Variants in SCHIP1 observed in about 807,000 individuals in gnomAD.
The protein encoded by SCHIP1 is schwannomin interacting protein 1, also known as schwannomin-interacting protein 1.
SCHIP1 carries 8 observed loss-of-function variants against 29.7 expected under a neutral mutation model. That is an observed-to-expected ratio of 0.27 (90% CI 0.16 to 0.49). SCHIP1 has a LOEUF of 0.49. SCHIP1 is among the 20% of genes least tolerant of loss of function. The pLI is 0.99. For missense variants in SCHIP1, 193 were observed against 294.6 expected (o/e 0.66, Z 2.52); for synonymous variants, 76 against 94.9 (o/e 0.80, Z 1.16).
At chr3:159,428,222 G>A in the SCHIP1 span, among the ~76,000 whole-genome samples, 23 of 152,300 alleles carry the variant, frequency 1.5e-4, no homozygotes, top group African/African-American at 5.5e-4. Context: ...AAGAGCTTCT[G>A]CACAGCAAAA....
chr3:159,385,302 A>T, the SCHIP1 span, among the ~76,000 whole-genome samples: 2 of 152,228 alleles, frequency 1.3e-5, no homozygotes, highest in African/African-American at 4.8e-5. Context: ...TTATGCCTGT[A>T]ATCCCAGCAC....
the SCHIP1 span, among the ~76,000 whole-genome samples, chr3:159,813,094 C>T: frequency 2.6e-5 from 4 of 152,184 alleles, no homozygotes; most frequent in Non-Finnish European, 5.9e-5. Context: ...TTAAAGGTTC[C>T]ACCACCTCTC....
At chr3:159,505,457 CATTATA>C in the SCHIP1 span, among the ~76,000 whole-genome samples, 4 of 151,944 alleles carry the variant, frequency 2.6e-5, no homozygotes, top group Non-Finnish European at 5.9e-5. Flanking sequence ...ATTGTTGAGC[CATTATA>C]ATTTATGTTT....
chr3:159,356,513 A>C, the SCHIP1 span, among the ~76,000 whole-genome samples: 3 of 152,162 alleles, frequency 2.0e-5, no homozygotes, highest in African/African-American at 2.4e-5. Flanking sequence ...GAGAAACCTG[A>C]AAAAACTTTG....
the SCHIP1 span, among the ~76,000 whole-genome samples, chr3:159,677,007 C>T: frequency 6.6e-6 from 1 of 152,082 alleles, no homozygotes; most frequent in Non-Finnish European, 1.5e-5. Context: ...GCCCTTAGAC[C>T]CCTGCAAGTA....
the SCHIP1 span, among the ~76,000 whole-genome samples, chr3:159,409,887 T>C: frequency 1.3e-5 from 2 of 152,100 alleles, no homozygotes; most frequent in African/African-American, 4.8e-5. Flanking sequence ...ACTACAAAGC[T>C]ATAGTAACCA....
At chr3:159,416,443 C>T in the SCHIP1 span, among the ~76,000 whole-genome samples, 15 of 152,176 alleles carry the variant, frequency 9.9e-5, no homozygotes, top group African/African-American at 3.6e-4. Flanking sequence ...CATCTTATTC[C>T]TACTTTGGTA....
chr3:159,328,055 T>C, the SCHIP1 span, among the ~76,000 whole-genome samples: 2 of 152,198 alleles, frequency 1.3e-5, no homozygotes, highest in African/African-American at 4.8e-5. Context: ...ATGTCCCAGA[T>C]CCTTTATAGC....
At chr3:159,526,943 C>G in the SCHIP1 span, among the ~76,000 whole-genome samples, 2 of 152,188 alleles carry the variant, frequency 1.3e-5, no homozygotes, top group African/African-American at 2.4e-5. Flanking sequence ...GAAAAGGGAA[C>G]AAAAGGTCGC....
the SCHIP1 span, among the ~76,000 whole-genome samples, chr3:159,699,713 A>T: frequency 6.6e-6 from 1 of 152,214 alleles, no homozygotes; most frequent in East Asian, 1.9e-4. Flanking sequence ...AGTCTTCATC[A>T]CTAAGATGAG....
the SCHIP1 span, among the ~76,000 whole-genome samples, chr3:159,592,250 A>G: frequency 6.6e-6 from 1 of 152,012 alleles, no homozygotes; most frequent in Non-Finnish European, 1.5e-5. Context: ...AAAATCTGTA[A>G]TCTCCAAGGT....
At chr3:159,746,498 G>A in the SCHIP1 span, among the ~76,000 whole-genome samples, 1 of 152,222 alleles carries the variant, frequency 6.6e-6, no homozygotes, top group Non-Finnish European at 1.5e-5. Flanking sequence ...CTATACTGCT[G>A]ACTGTCTGGC....
the SCHIP1 span, among the ~76,000 whole-genome samples, chr3:159,312,890 A>G: frequency 2.6e-5 from 4 of 152,200 alleles, no homozygotes; most frequent in African/African-American, 7.2e-5. Flanking sequence ...ACAGGGAAAA[A>G]CAGATAATCA....
chr3:159,886,435 A>C, intron 3 of SCHIP1, 111 bp downstream of exon 4: 1 of 1,005,404 alleles, frequency 9.9e-7, no homozygotes, highest in Non-Finnish European at 1.5e-6. Context: ...TTAAAGAAGA[A>C]AAGTTTCTTG....
the SCHIP1 span, among the ~76,000 whole-genome samples, chr3:159,411,557 A>C: frequency 2.0e-5 from 3 of 152,200 alleles, no homozygotes; most frequent in Non-Finnish European, 4.4e-5. Context: ...CGAATGATTA[A>C]ATAATCCAAG....
At chr3:159,509,039 T>C in the SCHIP1 span, among the ~76,000 whole-genome samples, 41,290 of 151,934 alleles carry the variant, frequency 0.27, 5,858 homozygotes, top group East Asian at 0.41. Context: ...CTTTCTGTCT[T>C]GTTGATCTGT....
At chr3:159,472,666 G>A in the SCHIP1 span, among the ~76,000 whole-genome samples, 33 of 152,156 alleles carry the variant, frequency 2.2e-4, no homozygotes, top group African/African-American at 7.7e-4. Context: ...CTCGGCGGAG[G>A]GATAAAAAGT....
chr3:159,841,187 A>C (rs1376544220), intron 1 of SCHIP1, among the ~76,000 whole-genome samples: 2 of 152,182 alleles, frequency 1.3e-5, no homozygotes, highest in South Asian at 4.1e-4. Context: ...ACAATGGTAA[A>C]TATGTGCAGG....
At chr3:159,289,481 CCTT>C in the SCHIP1 span, among the ~76,000 whole-genome samples, 3 of 151,952 alleles carry the variant, frequency 2.0e-5, no homozygotes, top group Non-Finnish European at 4.4e-5. Context: ...GGAGTGTTTT[CCTT>C]CTTCTTCATC....
Sources: gnomAD v4.1 joint callset for allele counts (sites outside exome capture counted in the v4.1 genomes callset) on GRCh38, gnomAD v4.1.1 for gene constraint, MANE v1.5 for transcripts, NCBI Gene and HGNC (gene_info 2026-07-23, HGNC 2026-07-21) for gene names.